Variants in SH3BP5 observed in about 807,000 individuals in gnomAD.
SH3BP5 encodes the protein SH3 domain-binding protein 5.
A neutral mutation model predicts 43.3 loss-of-function variants in SH3BP5; 22 were observed. The ratio of observed to expected loss-of-function variants is 0.51; its 90% CI spans 0.36 to 0.73. The LOEUF (loss-of-function observed/expected upper bound fraction) is 0.73, where lower values mean the gene tolerates loss of function less well. SH3BP5 is among the 30% of genes least tolerant of loss of function. SH3BP5 has a pLI of 0.00. For synonymous variants in SH3BP5, 255 were observed against 225.8 expected, an observed-to-expected ratio of 1.13 and a Z score of -1.16; for missense variants, 529 against 586.9, an observed-to-expected ratio of 0.90 and a Z score of 1.02.
intron 3 of SH3BP5, among the ~76,000 whole-genome samples, chr3:15,289,490 C>T (rs773050690): frequency 2.0e-4 from 30 of 152,180 alleles, no homozygotes; most frequent in Non-Finnish European, 3.5e-4. Flanking sequence ...ACAGAACACT[C>T]GGTTTCAGTG....
chr3:15,320,109 T>G lies in SH3BP5; in HGVS notation c.201+10395A>C, dbSNP rs547093624. ...CAAAATGAAGCTGAATCCCTTTGCATGCTGGAAACAAAAGGGTGTGGTGAA... is the reference window on the plus strand; with the variant it reads ...CAAAATGAAGCTGAATCCCTTTGCAGGCTGGAAACAAAAGGGTGTGGTGAA... On this transcript the variant is annotated intron_variant, in intron 2 of 8. Coordinates refer to ENST00000383791, the MANE Select transcript of SH3BP5 (RefSeq NM_004844.5). Among the ~76,000 whole-genome samples the G allele has an allele frequency of 3.9e-5, 6 of 152,262 alleles. No individual in the cohort carries two copies. The South Asian group carries it at 1.2e-3, about 32-fold the overall frequency.
At chr3:15,289,526 G>A (rs947310829) in intron 3 of SH3BP5, among the ~76,000 whole-genome samples, 8 of 152,126 alleles carry the variant, frequency 5.3e-5, no homozygotes, top group African/African-American at 1.2e-4. Context: ...CACTAATTCC[G>A]GACTGCCTAA....
intron 3 of SH3BP5, among the ~76,000 whole-genome samples, chr3:15,303,197 G>A (rs1697800951): frequency 1.3e-5 from 2 of 152,170 alleles, no homozygotes; most frequent in Non-Finnish European, 1.5e-5. Context: ...GACAGCACTG[G>A]GTCATTTGCT....
chr3:15,341,236 A>G (rs1698762107), exon 1 of SH3BP5: 1 of 152,258 alleles, frequency 6.6e-6, no homozygotes, highest in Non-Finnish European at 1.5e-5. Context: ...CTGGCACCAC[A>G]TGGGCTGTCA....
At chr3:15,259,378 A>G (rs539593475) in intron 6 of SH3BP5, 11 of 516,352 alleles carry the variant, frequency 2.1e-5, no homozygotes, top group African/African-American at 1.7e-4. Flanking sequence ...AGTGGTTCTC[A>G]AAGTTGAGCT....
chr3:15,319,895 C>G (rs1055774956), intron 2 of SH3BP5, among the ~76,000 whole-genome samples: 7 of 152,278 alleles, frequency 4.6e-5, no homozygotes, highest in Non-Finnish European at 1.0e-4. Context: ...CTCTCAAAAC[C>G]CTCTCCAAAT....
chr3:15,332,212 A>G (rs1698629603), intron 1 of SH3BP5, 59 bp downstream of exon 1: 1 of 1,546,430 alleles, frequency 6.5e-7, no homozygotes, highest in East Asian at 2.4e-5. Context: ...ACGCGTAGAC[A>G]CCGACCTCCG....
intron 2 of SH3BP5, among the ~76,000 whole-genome samples, chr3:15,316,200 GTTA>G (rs1043793658): frequency 8.2e-6 from 1 of 121,802 alleles, no homozygotes; most frequent in Non-Finnish European, 1.7e-5. Flanking sequence ...TTTGTAGAAT[GTTA>G]TTTGGAAAAG....
upstream of SH3BP5, among the ~76,000 whole-genome samples, chr3:15,333,551 T>TC (rs367726256): frequency 6.6e-6 from 1 of 152,178 alleles, no homozygotes. Context: ...GTATCTGTAA[T>TC]CCCAGCTCTT....
intron 5 of SH3BP5, among the ~76,000 whole-genome samples, chr3:15,261,624 G>C (rs773015143): frequency 6.6e-6 from 1 of 152,072 alleles, no homozygotes; most frequent in Admixed American, 6.5e-5. Flanking sequence ...CCCCAAGAGA[G>C]GGTACACAGT....
At chr3:15,335,603 TTAAA>T (rs146953909), upstream of SH3BP5, among the ~76,000 whole-genome samples, 8,280 of 151,332 alleles carry the variant, frequency 0.055, 269 homozygotes, top group African/African-American at 0.096. Context: ...AAAAAATAAA[TTAAA>T]TAAAGTATAC....
chr3:15,260,011 G>T (rs1274781006), intron 5 of SH3BP5: 3 of 598,010 alleles, frequency 5.0e-6, no homozygotes, highest in Non-Finnish European at 9.0e-6. Flanking sequence ...CTCACCCAGG[G>T]CTATATTAAC....
Position 15,259,760 on chromosome 3 carries a change from C to A in SH3BP5, c.669+1G>T. ...GTGACGAAGCCCAAAGCTACACATA[C>A]CTCGAGCTGCACATAGTACTTTGCC... is the stretch of plus-strand genomic sequence containing the variant. On this transcript the variant is annotated splice_donor_variant, in intron 6 of 8. Coordinates refer to ENST00000383791, the MANE Select transcript of SH3BP5 (RefSeq NM_004844.5). LOFTEE classifies it high-confidence loss of function. The A allele has an allele frequency of 1.2e-6, 2 of 1,614,074 alleles. No individual in the cohort carries two copies. The highest frequency in any genetic ancestry group is 1.3e-5 in the African/African-American group (1 of 75,030).
chr3:15,255,744 A>T lies in SH3BP5; in HGVS notation c.*342T>A. 1 of 206,672 alleles carries T rather than the reference A, an allele frequency of 4.8e-6. No individual in the cohort carries two copies. The highest frequency in any genetic ancestry group is 9.8e-6 in the Non-Finnish European group (1 of 101,730). 12.8% of individuals were successfully genotyped at this position (206,672 alleles called of 1,614,324 possible). ...TGAGGGTGAGAAGAGAAAGAGAAGC[A>T]AGCTGTTGCCCCCACTTTGGCCTGG... On this transcript the variant is annotated 3_prime_UTR_variant, in exon 9 of 9. Transcript: ENST00000383791.
At chr3:15,326,624 C>T (rs960196342) in intron 2 of SH3BP5, among the ~76,000 whole-genome samples, 2 of 152,208 alleles carry the variant, frequency 1.3e-5, no homozygotes, top group African/African-American at 2.4e-5. Flanking sequence ...AATCAATACA[C>T]GCAGCCCTTT....
chr3:15,302,655 T>A (rs1697784037), intron 3 of SH3BP5, among the ~76,000 whole-genome samples: 1 of 152,118 alleles, frequency 6.6e-6, no homozygotes. Flanking sequence ...GCCCTCATTC[T>A]CTATGGGTCT....
In SH3BP5 at chr3:15,289,887, C is replaced by A. The variant is rs1269392022; in HGVS notation, c.330+14216G>T. Among the ~76,000 whole-genome samples the A allele has an allele frequency of 2.0e-5, 3 of 152,304 alleles. No homozygotes were observed. In the East Asian group the frequency reaches 5.8e-4, roughly 29 times the overall value. On this transcript the variant is annotated intron_variant, in intron 3 of 8. Transcript: ENST00000383791. ...GGTCAGTGTGAAAACAGACACCCCC[C>A]CTTCTCTACATAAGGAGAACCTTCA... is the stretch of plus-strand genomic sequence containing the variant.
rs145330964 is a variant in SH3BP5 at position 15,269,476 on chromosome 3, C to T, written c.495+237G>A. Among the ~76,000 whole-genome samples, 1,113 of 152,296 alleles carry T rather than the reference C, an allele frequency of 7.3e-3. 13 individuals carry two copies. Among genetic ancestry groups the T allele is most frequent in the African/African-American group, 0.024 (980 of 41,548 alleles). ...TGGGGATGACCCAAACCAGACAAAC[C>T]TCAAGCAACATAAGGGAAGGAGCAG... On this transcript the variant is annotated intron_variant, in intron 4 of 8. Coordinates refer to ENST00000383791, the MANE Select transcript of SH3BP5 (RefSeq NM_004844.5).
intron 3 of SH3BP5, among the ~76,000 whole-genome samples, chr3:15,271,065 A>G (rs1361231418): frequency 1.3e-5 from 2 of 151,580 alleles, no homozygotes; most frequent in African/African-American, 4.8e-5. Flanking sequence ...GATATATTAA[A>G]TTAAATTAAA....
Sources: gnomAD v4.1 joint callset for allele counts (sites outside exome capture counted in the v4.1 genomes callset) on GRCh38, gnomAD v4.1.1 for gene constraint, MANE v1.5 for transcripts, NCBI Gene and HGNC (gene_info 2026-07-23, HGNC 2026-07-21) for gene names.